MAP7: variants seen among roughly 807,000 people sequenced by gnomAD.
MAP7 encodes ensconsin.
A neutral mutation model predicts 94.8 loss-of-function variants in MAP7; 52 were observed. The ratio of observed to expected loss-of-function variants is 0.55; its 90% CI spans 0.44 to 0.69. MAP7 has a LOEUF of 0.69. Among genes scored for constraint, MAP7 ranks in the 30% least tolerant of loss-of-function variants. MAP7 has a pLI of 0.00. For missense variants in MAP7, 940 were observed against 964.6 expected (o/e 0.97, Z 0.34); for synonymous variants, 350 against 357.0 (o/e 0.98, Z 0.22).
chr6:136,429,205 C>G lies in MAP7; in HGVS notation c.68-7406G>C, dbSNP rs1274392714. Reference sequence around the variant, plus strand: ...TTTCAACATTATATTAGGCAAGACTCAAAATCAAATGGATGTTTTGACCCC... The same window carrying G: ...TTTCAACATTATATTAGGCAAGACTGAAAATCAAATGGATGTTTTGACCCC... On this transcript the variant is annotated intron_variant, in intron 1 of 17. Coordinates refer to ENST00000354570, the MANE Select transcript of MAP7 (RefSeq NM_003980.6). 4.6e-5 allele frequency among the ~76,000 whole-genome samples: 7 copies of G among 152,236 alleles called. No homozygotes were observed. The South Asian group carries it at 1.2e-3, about 27-fold the overall frequency.
At chr6:136,506,339 A>G (rs1821507855) in intron 1 of MAP7, among the ~76,000 whole-genome samples, 1 of 152,152 alleles carries the variant, frequency 6.6e-6, no homozygotes, top group South Asian at 2.1e-4. Flanking sequence ...CGAAGAGGTC[A>G]CTAAATAGCT....
chr6:136,359,713 A>C, intron 15 of MAP7, 107 bp downstream of exon 15: 1 of 1,033,340 alleles, frequency 9.7e-7, no homozygotes, highest in Non-Finnish European at 1.5e-6. Flanking sequence ...TGAGTCTGTA[A>C]GCACTGGATC....
intron 1 of MAP7, among the ~76,000 whole-genome samples, chr6:136,437,170 C>T (rs1003471093): frequency 3.9e-5 from 6 of 152,172 alleles, no homozygotes; most frequent in African/African-American, 9.6e-5. Context: ...TTGAAGCAGG[C>T]GTGAAGGTGG....
rs866113418 is a variant in MAP7, at chr6:136,546,433, G to C, written c.67+3909C>G. 2.1e-5 allele frequency among the ~76,000 whole-genome samples: 3 copies of C among 146,192 alleles called. No homozygotes were observed. The South Asian group carries it at 6.5e-4, about 32-fold the overall frequency. On this transcript the variant is annotated intron_variant, in intron 1 of 17. Transcript: ENST00000354570. The stretch of plus-strand genomic sequence containing the variant: ...ACTCTCTCTGTCCATGAGTTCAATT[G>C]TTTTGATTTTTAGATCCTACAAATG...
intron 5 of MAP7, among the ~76,000 whole-genome samples, chr6:136,387,953 A>G (rs1206169543): frequency 6.6e-6 from 1 of 152,220 alleles, no homozygotes; most frequent in Non-Finnish European, 1.5e-5. Context: ...ATTTTCTTAC[A>G]GAGCATTAGT....
intron 1 of MAP7, among the ~76,000 whole-genome samples, chr6:136,447,500 T>C (rs1386515513): frequency 1.3e-5 from 2 of 152,248 alleles, no homozygotes; most frequent in East Asian, 3.8e-4. Context: ...GCTTTAACTG[T>C]TCTTGTAAAC....
chr6:136,418,147 A>C (rs966315968), intron 2 of MAP7, among the ~76,000 whole-genome samples: 1 of 152,226 alleles, frequency 6.6e-6, no homozygotes. Context: ...TCGTTCCAGG[A>C]TAACACAGAA....
At chr6:136,430,978 G>A (rs1178014537) in intron 1 of MAP7, among the ~76,000 whole-genome samples, 1 of 152,132 alleles carries the variant, frequency 6.6e-6, no homozygotes, top group African/African-American at 2.4e-5. Context: ...GGCTGACACT[G>A]ACACGCCATC....
At position 136,362,431 on chromosome 6, in the gene MAP7, A is replaced by T. The variant is rs751772729; in HGVS notation, c.1526+19T>A. 1.9e-6 allele frequency: 3 copies of T among 1,611,968 alleles called. No individual in the cohort carries two copies. Among genetic ancestry groups the T allele is most frequent in the South Asian group, 1.1e-5 (1 of 90,798 alleles). Reference sequence around the variant, plus strand: ...AAGTATCACTGACACCATGGTGTGGAGCAATGTCTCCCATTTACCTTTCAA... The same window carrying T: ...AAGTATCACTGACACCATGGTGTGGTGCAATGTCTCCCATTTACCTTTCAA... On this transcript the variant is annotated intron_variant, in intron 11 of 17. Transcript: ENST00000354570.
chr6:136,362,419 A>C lies in MAP7; in HGVS notation c.1526+31T>G, dbSNP rs1191823852. ...TGAGTTAATCCAAAGTATCACTGAC[A>C]CCATGGTGTGGAGCAATGTCTCCCA... On this transcript the variant is annotated intron_variant, in intron 11 of 17. Coordinates refer to ENST00000354570, the MANE Select transcript of MAP7 (RefSeq NM_003980.6). The C allele has an allele frequency of 5.0e-6, 8 of 1,609,212 alleles. No individual in the cohort carries two copies. In the South Asian group the frequency reaches 7.7e-5, roughly 16 times the overall value.
intron 2 of MAP7, among the ~76,000 whole-genome samples, chr6:136,417,904 C>A (rs1406912402): frequency 2.6e-5 from 4 of 152,138 alleles, no homozygotes; most frequent in Non-Finnish European, 5.9e-5. Flanking sequence ...TGGGGGGCAG[C>A]AAAGGGATAG....
chr6:136,434,164 G>T (rs962972399), intron 1 of MAP7, among the ~76,000 whole-genome samples: 2 of 151,942 alleles, frequency 1.3e-5, no homozygotes, highest in African/African-American at 2.4e-5. Flanking sequence ...AAGATTAGCC[G>T]GGCGTGGTGG....
chr6:136,424,035 T>A (rs1296232964), intron 1 of MAP7, among the ~76,000 whole-genome samples: 1 of 152,058 alleles, frequency 6.6e-6, no homozygotes, highest in East Asian at 1.9e-4. Context: ...CAACCTCAGG[T>A]GATCTGCCTG....
chr6:136,461,980 A>G (rs1189857674), intron 1 of MAP7, among the ~76,000 whole-genome samples: 2 of 152,162 alleles, frequency 1.3e-5, no homozygotes, highest in East Asian at 3.8e-4. Context: ...TTCACTTAAA[A>G]TGTATTTATT....
intron 1 of MAP7, among the ~76,000 whole-genome samples, chr6:136,494,028 C>T (rs1452104258): frequency 6.6e-6 from 1 of 152,078 alleles, no homozygotes; most frequent in Non-Finnish European, 1.5e-5. Context: ...TTTATTTGTA[C>T]CATATAAAAC....
rs1251602202 is a variant in MAP7, at chr6:136,447,534, C to T, written c.68-25735G>A. Among the ~76,000 whole-genome samples the T allele has an allele frequency of 7.2e-5, 11 of 152,182 alleles. 1 individual carries two copies. In the East Asian group the frequency reaches 1.2e-3, roughly 16 times the overall value. On this transcript the variant is annotated intron_variant, in intron 1 of 17. Coordinates refer to ENST00000354570, the MANE Select transcript of MAP7 (RefSeq NM_003980.6). ...ACACTTTTAGAACAATGGAGAGTATCATAAATTTTTTAAAAACTTAAACAG... is the reference window on the plus strand; with the variant it reads ...ACACTTTTAGAACAATGGAGAGTATTATAAATTTTTTAAAAACTTAAACAG...
chr6:136,360,801 G>A lies in MAP7; in HGVS notation c.1702-3C>T. 1 of 1,613,588 alleles carries A rather than the reference G, an allele frequency of 6.2e-7. No individual in the cohort carries two copies. The highest frequency in any genetic ancestry group is 8.5e-7 in the Non-Finnish European group (1 of 1,179,934). Reference sequence around the variant, plus strand: ...CGAACGCGAGCTTCTTCTTCTTTCTGAAAACAGAAGGTCGGCGTCTGCCTC... The same window carrying A: ...CGAACGCGAGCTTCTTCTTCTTTCTAAAAACAGAAGGTCGGCGTCTGCCTC... On this transcript the variant is annotated splice_polypyrimidine_tract_variant and splice_region_variant and intron_variant, in intron 12 of 17. Coordinates refer to ENST00000354570, the MANE Select transcript of MAP7 (RefSeq NM_003980.6).
intron 2 of MAP7, among the ~76,000 whole-genome samples, chr6:136,412,844 T>G (rs1787925405): frequency 6.6e-6 from 1 of 152,154 alleles, no homozygotes; most frequent in African/African-American, 2.4e-5. Context: ...AAGGTTTTTC[T>G]CTTTACTAAA....
chr6:136,449,471 G>A (rs1416816036), intron 1 of MAP7, among the ~76,000 whole-genome samples: 1 of 152,242 alleles, frequency 6.6e-6, no homozygotes, highest in African/African-American at 2.4e-5. Context: ...TTAATAAAAA[G>A]GAAAGTGATG....
Sources: gnomAD v4.1 joint callset for allele counts (sites outside exome capture counted in the v4.1 genomes callset) on GRCh38, gnomAD v4.1.1 for gene constraint, MANE v1.5 for transcripts, NCBI Gene and HGNC (gene_info 2026-07-23, HGNC 2026-07-21) for gene names.